WDPCP: variants seen among roughly 807,000 people sequenced by gnomAD.
WDPCP encodes WD repeat containing planar cell polarity effector, also known as WD repeat-containing and planar cell polarity effector protein fritz homolog.
A neutral mutation model predicts 93.1 loss-of-function variants in WDPCP; 71 were observed. The observed-to-expected ratio is 0.76, with a 90% CI of 0.63 to 0.93. The LOEUF (loss-of-function observed/expected upper bound fraction) is 0.93, where lower values mean the gene tolerates loss of function less well. Ranked by LOEUF, WDPCP falls within the 40% of genes least tolerant of loss-of-function variation. The pLI is 0.00. For missense variants in WDPCP, 844 were observed against 887.4 expected (o/e 0.95, Z 0.62); for synonymous variants, 315 against 315.0 (o/e 1.00, Z 0.00).
chr2:63,393,030 A>G (rs1192710770), intron 10 of WDPCP, among the ~76,000 whole-genome samples: 1 of 152,226 alleles, frequency 6.6e-6, no homozygotes, highest in Non-Finnish European at 1.5e-5. Flanking sequence ...AAGCAATCCC[A>G]TTACTGGGTA....
intron 13 of WDPCP, among the ~76,000 whole-genome samples, chr2:63,262,242 G>T (rs569413114): frequency 2.6e-5 from 4 of 151,896 alleles, no homozygotes; most frequent in Non-Finnish European, 5.9e-5. Flanking sequence ...ATTATGGAAA[G>T]CAAAAAATAT....
chr2:63,753,403 T>G (rs536903534), intron 2 of WDPCP, among the ~76,000 whole-genome samples: 1 of 152,264 alleles, frequency 6.6e-6, no homozygotes, highest in African/African-American at 2.4e-5. Flanking sequence ...CACTCCAGCC[T>G]GGGTGACAGT....
intron 2 of WDPCP, among the ~76,000 whole-genome samples, chr2:63,742,525 C>T (rs919918259): frequency 6.6e-6 from 1 of 151,576 alleles, no homozygotes; most frequent in Admixed American, 6.6e-5. Flanking sequence ...GATCCATATC[C>T]TCTCACTAAT....
At chr2:63,814,080 T>C (rs1007831944) in intron 1 of WDPCP, among the ~76,000 whole-genome samples, 1 of 152,210 alleles carries the variant, frequency 6.6e-6, no homozygotes, top group Admixed American at 6.5e-5. Flanking sequence ...GGTGGATGTA[T>C]ACCTGGAACA....
At chr2:63,573,343 C>A (rs1489057474) in intron 1 of WDPCP, among the ~76,000 whole-genome samples, 9 of 152,072 alleles carry the variant, frequency 5.9e-5, no homozygotes, top group South Asian at 2.1e-4. Flanking sequence ...AACGGAGGGA[C>A]CGGCTGAAGC....
chr2:63,207,708 G>A (rs749774602), intron 14 of WDPCP, among the ~76,000 whole-genome samples: 1 of 152,018 alleles, frequency 6.6e-6, no homozygotes, highest in Non-Finnish European at 1.5e-5. Flanking sequence ...TCTTGATGTC[G>A]ACCAACTTGG....
At chr2:63,698,136 A>G (rs1458375753) in intron 2 of WDPCP, among the ~76,000 whole-genome samples, 2 of 151,092 alleles carry the variant, frequency 1.3e-5, no homozygotes, top group Non-Finnish European at 2.9e-5. Flanking sequence ...TTGTATTTTT[A>G]TTAGAGACGG....
chr2:63,732,083 TTATGGTTTTATGGTGTGTAG>T (rs1466759602), intron 2 of WDPCP, among the ~76,000 whole-genome samples: 1 of 152,148 alleles, frequency 6.6e-6, no homozygotes, highest in Non-Finnish European at 1.5e-5. Flanking sequence ...CTATTGGTCT[TTATGGTTTTATGGTGTGTAG>T]ACACTCTTAC....
chr2:63,493,939 T>C (rs997952811), intron 1 of WDPCP, among the ~76,000 whole-genome samples: 2 of 152,108 alleles, frequency 1.3e-5, no homozygotes, highest in Non-Finnish European at 2.9e-5. Flanking sequence ...GGAGGAAAAA[T>C]CCTTCAGCTT....
intron 2 of WDPCP, among the ~76,000 whole-genome samples, chr2:63,690,557 C>G (rs1668875537): frequency 6.6e-6 from 1 of 151,990 alleles, no homozygotes; most frequent in Non-Finnish European, 1.5e-5. Context: ...AGTTTGAGAT[C>G]AGCCTGGGCA....
chr2:63,579,079 T>C (rs886434916), intron 1 of WDPCP, among the ~76,000 whole-genome samples: 5 of 152,134 alleles, frequency 3.3e-5, no homozygotes, highest in African/African-American at 7.2e-5. Flanking sequence ...CAGAAAATAA[T>C]TGAAAGGGCA....
intron 3 of WDPCP, among the ~76,000 whole-genome samples, chr2:63,625,832 A>C (rs904353506): frequency 1.3e-5 from 2 of 152,206 alleles, no homozygotes; most frequent in African/African-American, 2.4e-5. Flanking sequence ...AATTAGAAAA[A>C]ACTACTTTAA....
chr2:63,365,657 G>A (rs1922421), intron 12 of WDPCP, among the ~76,000 whole-genome samples: 121,260 of 151,994 alleles, frequency 0.8, 49,231 homozygotes, highest in East Asian at 0.97. Context: ...CTACAGGTTC[G>A]CTCAGCCCAA....
At chr2:63,545,289 ATG>A (rs35733507) in intron 1 of WDPCP, among the ~76,000 whole-genome samples, 21 of 149,020 alleles carry the variant, frequency 1.4e-4, no homozygotes, top group Admixed American at 2.7e-4. Context: ...TGTGAGTAGA[ATG>A]TGTGTGTGTG....
chr2:63,418,478 T>C (rs1229501119), intron 9 of WDPCP, among the ~76,000 whole-genome samples: 1 of 152,218 alleles, frequency 6.6e-6, no homozygotes, highest in Non-Finnish European at 1.5e-5. Context: ...TGAGGCATGC[T>C]TATTGTTATC....
chr2:63,798,387 T>A (rs1321224298), intron 2 of WDPCP, among the ~76,000 whole-genome samples: 1 of 152,088 alleles, frequency 6.6e-6, no homozygotes, highest in Non-Finnish European at 1.5e-5. Flanking sequence ...TGATAAAATA[T>A]AAATAGAAAC....
the WDPCP span, among the ~76,000 whole-genome samples, chr2:63,840,616 T>C: frequency 6.6e-6 from 1 of 152,224 alleles, no homozygotes; most frequent in African/African-American, 2.4e-5. Context: ...GAGAAGCGTC[T>C]GGGCTCCCTC....
intron 15 of WDPCP, among the ~76,000 whole-genome samples, chr2:63,169,722 C>T (rs552069167): frequency 6.6e-6 from 1 of 152,120 alleles, no homozygotes; most frequent in African/African-American, 2.4e-5. Flanking sequence ...TCTTATCTCC[C>T]ATTCCATTAC....
At chr2:63,460,328 G>C (rs1317509254) in intron 6 of WDPCP, among the ~76,000 whole-genome samples, 1 of 152,158 alleles carries the variant, frequency 6.6e-6, no homozygotes, top group African/African-American at 2.4e-5. Flanking sequence ...ACCAAAGACT[G>C]GGAATCGGGG....
Sources: gnomAD v4.1 joint callset for allele counts (sites outside exome capture counted in the v4.1 genomes callset) on GRCh38, gnomAD v4.1.1 for gene constraint, MANE v1.5 for transcripts, NCBI Gene and HGNC (gene_info 2026-07-23, HGNC 2026-07-21) for gene names.